Variants in GABBR2 observed in about 807,000 individuals in gnomAD.
GABBR2 encodes gamma-aminobutyric acid type B receptor subunit 2, also known as G-protein coupled receptor 51.
GABBR2 carries 23 observed loss-of-function variants against 105.6 expected under a neutral mutation model. The ratio of observed to expected loss-of-function variants is 0.22; its 90% CI spans 0.16 to 0.31. The LOEUF (loss-of-function observed/expected upper bound fraction) is 0.31. Ranked by LOEUF, GABBR2 falls within the 10% of genes least tolerant of loss-of-function variation. The pLI is 1.00. For synonymous variants in GABBR2, 478 were observed against 499.7 expected, an observed-to-expected ratio of 0.96 and a Z score of 0.58; for missense variants, 734 against 1,245.5, an observed-to-expected ratio of 0.59 and a Z score of 6.18.
chr9:98,670,433 G>A (rs576213497), intron 1 of GABBR2, among the ~76,000 whole-genome samples: 6 of 152,200 alleles, frequency 3.9e-5, no homozygotes, highest in East Asian at 1.9e-4. Context: ...ACAATATGGC[G>A]GTTCCCCCCT....
intron 3 of GABBR2, among the ~76,000 whole-genome samples, chr9:98,540,309 A>G (rs1377445483): frequency 6.6e-6 from 1 of 152,212 alleles, no homozygotes; most frequent in South Asian, 2.1e-4. Flanking sequence ...TGAACTTTAC[A>G]GTTTACGAAG....
intron 3 of GABBR2, among the ~76,000 whole-genome samples, chr9:98,537,941 G>A (rs945442082): frequency 7.9e-5 from 12 of 152,102 alleles, no homozygotes; most frequent in African/African-American, 2.9e-4. Context: ...CACAATGCAG[G>A]AAGCCTCACC....
At chr9:98,541,186 A>G (rs1828296684) in intron 3 of GABBR2, among the ~76,000 whole-genome samples, 1 of 152,206 alleles carries the variant, frequency 6.6e-6, no homozygotes. Flanking sequence ...TGTAAAGTGA[A>G]AAAAGAAACA....
At chr9:98,372,922 G>T (rs940293560) in intron 11 of GABBR2, among the ~76,000 whole-genome samples, 2 of 152,122 alleles carry the variant, frequency 1.3e-5, no homozygotes, top group African/African-American at 4.8e-5. Flanking sequence ...AATGCTGTGA[G>T]GGTACAGGTG....
chr9:98,562,251 A>G (rs1238371952), intron 2 of GABBR2, among the ~76,000 whole-genome samples: 1 of 152,192 alleles, frequency 6.6e-6, no homozygotes, highest in Non-Finnish European at 1.5e-5. Flanking sequence ...ATTGTGGGAC[A>G]TTTTATAAAA....
At chr9:98,439,597 A>G (rs1825994450) in intron 7 of GABBR2, among the ~76,000 whole-genome samples, 2 of 152,176 alleles carry the variant, frequency 1.3e-5, no homozygotes, top group South Asian at 4.1e-4. Context: ...ATGAATACCC[A>G]TAGACCACAT....
chr9:98,364,745 C>T (rs561522999), intron 12 of GABBR2, among the ~76,000 whole-genome samples: 4 of 152,138 alleles, frequency 2.6e-5, no homozygotes, highest in African/African-American at 9.6e-5. Context: ...GGATTACAGG[C>T]ATGTGCCACT....
intron 7 of GABBR2, among the ~76,000 whole-genome samples, chr9:98,413,918 G>A (rs1220122303): frequency 6.6e-6 from 1 of 152,232 alleles, no homozygotes; most frequent in Non-Finnish European, 1.5e-5. Context: ...GTGTAAATGA[G>A]TGTCTAAGAA....
intron 3 of GABBR2, among the ~76,000 whole-genome samples, chr9:98,510,683 C>T (rs200002563): frequency 0.048 from 7,267 of 152,180 alleles, 257 homozygotes; most frequent in South Asian, 0.13. Flanking sequence ...AAGGCCATTA[C>T]ATAATGGTAA....
At chr9:98,326,702 C>A (rs1039012651) in intron 13 of GABBR2, among the ~76,000 whole-genome samples, 2 of 152,184 alleles carry the variant, frequency 1.3e-5, no homozygotes, top group African/African-American at 4.8e-5. Flanking sequence ...GAGGAATAAA[C>A]CCTTGTTGCA....
Position 98,464,879 on chromosome 9 carries a change from C to T in GABBR2, c.999+8267G>A, listed in dbSNP as rs553263681. ...AACTCAGGGTTAAATGGATTAAGGG[C>T]GGTGCAAGATGTGCTTTGTTAAACA... On this transcript the variant is annotated intron_variant, in intron 6 of 18. Transcript: ENST00000259455. Among the ~76,000 whole-genome samples, 283 of 152,052 alleles carry T rather than the reference C, an allele frequency of 1.9e-3. 1 individual carries two copies. Among genetic ancestry groups the T allele is most frequent in the Admixed American group, 4.6e-3 (71 of 15,290 alleles).
At chr9:98,560,146 C>G (rs1828646926) in intron 2 of GABBR2, among the ~76,000 whole-genome samples, 1 of 151,924 alleles carries the variant, frequency 6.6e-6, no homozygotes, top group African/African-American at 2.4e-5. Context: ...ATACATTTGA[C>G]TATGGAATCA....
intron 2 of GABBR2, among the ~76,000 whole-genome samples, chr9:98,559,737 C>G (rs1237124542): frequency 1.3e-5 from 2 of 152,000 alleles, no homozygotes; most frequent in African/African-American, 4.8e-5. Flanking sequence ...GACAATGTGG[C>G]CAAGGTTATT....
chr9:98,517,981 G>A (rs1423659997), intron 3 of GABBR2, among the ~76,000 whole-genome samples: 1 of 152,104 alleles, frequency 6.6e-6, no homozygotes, highest in African/African-American at 2.4e-5. Flanking sequence ...GAGCCCAGTA[G>A]GAGTTAGGGA....
chr9:98,469,381 C>CA (rs2131625428), intron 6 of GABBR2, among the ~76,000 whole-genome samples: 1 of 152,312 alleles, frequency 6.6e-6, no homozygotes, highest in Non-Finnish European at 1.5e-5. Context: ...CCCCATGATT[C>CA]AATCATCTCC....
rs886288539 is a variant in GABBR2, at chr9:98,325,283, CTTT to C, written c.1894-14081_1894-14079del. Among the ~76,000 whole-genome samples, 672 of 67,578 alleles carry C rather than the reference CTTT, an allele frequency of 9.9e-3. 2 individuals carry two copies. The highest frequency in any genetic ancestry group is 0.039 in the African/African-American group (619 of 15,870). The allele number at this position is 67,578 out of a possible 152,430, so 44.3% of individuals were successfully genotyped here. On this transcript the variant is annotated intron_variant, in intron 13 of 18. Coordinates refer to ENST00000259455, the MANE Select transcript of GABBR2 (RefSeq NM_005458.8). Reference sequence around the variant, plus strand: ...TTCCCTTGGCTCTAGGACAGCAATTCTTTTTTTTTTTTTTTTTTTTTTTTTTGA... The same window carrying C: ...TTCCCTTGGCTCTAGGACAGCAATTCTTTTTTTTTTTTTTTTTTTTTTTGA...
intron 13 of GABBR2, among the ~76,000 whole-genome samples, chr9:98,328,792 C>T (rs992864973): frequency 2.0e-5 from 3 of 152,194 alleles, no homozygotes; most frequent in African/African-American, 7.2e-5. Flanking sequence ...ACAATAAACA[C>T]ATCAATTCAT....
chr9:98,650,775 T>C (rs959450351), intron 1 of GABBR2, among the ~76,000 whole-genome samples: 5 of 152,208 alleles, frequency 3.3e-5, no homozygotes, highest in Non-Finnish European at 4.4e-5. Flanking sequence ...GAAATTCCAA[T>C]GCATGCTACA....
chr9:98,503,400 A>G (rs550148180), intron 3 of GABBR2, among the ~76,000 whole-genome samples: 9 of 152,138 alleles, frequency 5.9e-5, no homozygotes, highest in Non-Finnish European at 8.8e-5. Flanking sequence ...GTGGTAACCC[A>G]TGATGAAGTT....
Sources: gnomAD v4.1 joint callset for allele counts (sites outside exome capture counted in the v4.1 genomes callset) on GRCh38, gnomAD v4.1.1 for gene constraint, MANE v1.5 for transcripts, NCBI Gene and HGNC (gene_info 2026-07-23, HGNC 2026-07-21) for gene names.